PLAA: variants seen among roughly 807,000 people sequenced by gnomAD.
The protein encoded by PLAA is phospholipase A2 activating protein, also known as phospholipase A-2-activating protein.
In PLAA, 48 loss-of-function variants were observed where a neutral mutation model predicts 84.1. The observed-to-expected ratio is 0.57, with a 90% CI of 0.45 to 0.73. The LOEUF is 0.73. PLAA is among the 30% of genes least tolerant of loss of function. PLAA has a pLI of 0.00. For synonymous variants in PLAA, 392 were observed against 336.6 expected (o/e 1.16, Z -1.80); for missense variants, 903 against 954.7 (o/e 0.95, Z 0.71).
chr9:26,909,939 A>T (rs1049761840), intron 12 of PLAA, among the ~76,000 whole-genome samples: 1 of 152,194 alleles, frequency 6.6e-6, no homozygotes, highest in African/African-American at 2.4e-5. Context: ...ATTCATTTCT[A>T]ATGGGCAATT....
chr9:26,919,962 A>G (rs1345921545), intron 8 of PLAA, among the ~76,000 whole-genome samples: 1 of 152,176 alleles, frequency 6.6e-6, no homozygotes, highest in Non-Finnish European at 1.5e-5. Flanking sequence ...GAAGCTCCCA[A>G]TCCAAAATGG....
intron 2 of PLAA, among the ~76,000 whole-genome samples, chr9:26,930,618 T>C (rs920732166): frequency 6.6e-6 from 1 of 151,468 alleles, no homozygotes; most frequent in African/African-American, 2.4e-5. Context: ...GTTTTGCTCT[T>C]GTTGCCCAGG....
intron 2 of PLAA, among the ~76,000 whole-genome samples, chr9:26,930,577 T>C (rs940731664): frequency 2.1e-5 from 3 of 144,340 alleles, no homozygotes; most frequent in African/African-American, 5.4e-5. Context: ...GTTACATCAC[T>C]GAGATTTTTT....
chr9:26,920,398 T>C lies in PLAA; in HGVS notation c.1040-14A>G. ...CTTCTCTAGTACCTTAAAATAAAAA[T>C]TTTAAGAATCAAAGGTAGAATGGCA... On this transcript the variant is annotated splice_polypyrimidine_tract_variant and intron_variant, in intron 7 of 13. Coordinates refer to ENST00000397292, the MANE Select transcript of PLAA (RefSeq NM_001031689.3). The C allele has an allele frequency of 6.4e-7, 1 of 1,558,106 alleles. No homozygotes were observed. The highest frequency in any genetic ancestry group is 1.7e-4 in the Middle Eastern group (1 of 5,852).
At chr9:26,926,320 C>T in intron 5 of PLAA, 73 bp downstream of exon 5, 1 of 936,628 alleles carries the variant, frequency 1.1e-6, no homozygotes. Context: ...CAGCTCTCCT[C>T]CCTCCATCTC....
chr9:26,911,822 T>C (rs1310719441), intron 11 of PLAA, among the ~76,000 whole-genome samples: 1 of 152,214 alleles, frequency 6.6e-6, no homozygotes, highest in Non-Finnish European at 1.5e-5. Flanking sequence ...TGCAAAAATA[T>C]GAATAAAAGA....
intron 2 of PLAA, among the ~76,000 whole-genome samples, chr9:26,932,211 T>TAGTTGACAAGAAATTA (rs143832911): frequency 1.3e-5 from 2 of 152,106 alleles, no homozygotes; most frequent in African/African-American, 2.4e-5. Context: ...ATTCACTGGA[T>TAGTTGACAAGAAATTA]GTTTTTGTTT....
Position 26,908,622 on chromosome 9 carries a change from C to G in PLAA, c.1658-624G>C, listed in dbSNP as rs1310528933. On this transcript the variant is annotated intron_variant, in intron 12 of 13. Coordinates refer to ENST00000397292, the MANE Select transcript of PLAA (RefSeq NM_001031689.3). ...CTGGAACTACCAGCATGCACCACCACACCAGCTAATTTTTGTATTTTTAGT... is the reference window on the plus strand; with the variant it reads ...CTGGAACTACCAGCATGCACCACCAGACCAGCTAATTTTTGTATTTTTAGT... Among the ~76,000 whole-genome samples, 5 of 151,990 alleles carry G rather than the reference C, an allele frequency of 3.3e-5. No individual in the cohort carries two copies. In the East Asian group the frequency reaches 9.7e-4, roughly 29 times the overall value.
intron 2 of PLAA, among the ~76,000 whole-genome samples, chr9:26,929,956 G>C (rs1295853532): frequency 1.3e-5 from 2 of 152,100 alleles, no homozygotes; most frequent in African/African-American, 4.8e-5. Context: ...CATGATACTT[G>C]CATTAGTCAC....
chr9:26,920,564 G>A (rs1323119171), intron 7 of PLAA, among the ~76,000 whole-genome samples, 180 bp from the exon 8 acceptor site: 1 of 152,058 alleles, frequency 6.6e-6, no homozygotes, highest in Admixed American at 6.6e-5. Context: ...CAGTTAAAAG[G>A]AAATATTATT....
chr9:26,919,312 G>A lies in PLAA; in HGVS notation c.1415C>T (p.Thr472Ile), dbSNP rs781078379. 1.2e-6 allele frequency: 2 copies of A among 1,601,162 alleles called. No individual in the cohort carries two copies. The highest frequency in any genetic ancestry group is 2.2e-5 in the South Asian group (2 of 90,620). ...ACTCAATATAAACACTAACTTACCT[G>A]TAAATGGATCTGAAAAGCTGGGATT... ...LGNPSFSDPFTGGGRYVPGSS... is the reference protein window; with the variant it reads ...LGNPSFSDPFIGGGRYVPGSS... Residue 472 changes from threonine to isoleucine, a missense_variant and splice_region_variant, in exon 9 of 14, where the codon ACA becomes ATA. Transcript: ENST00000397292.
intron 12 of PLAA, among the ~76,000 whole-genome samples, 169 bp from the exon 13 acceptor site, chr9:26,908,167 CTTT>C (rs375603485): frequency 8.9e-5 from 12 of 135,002 alleles, no homozygotes; most frequent in South Asian, 2.4e-4. Context: ...TGAGCTTTGT[CTTT>C]TTTTTTTTTT....
At chr9:26,909,080 G>GAA (rs1328033357) in intron 12 of PLAA, among the ~76,000 whole-genome samples, 1 of 151,850 alleles carries the variant, frequency 6.6e-6, no homozygotes, top group African/African-American at 2.4e-5. Flanking sequence ...TGTATCTTTA[G>GAA]TATCAGTATC....
intron 1 of PLAA, among the ~76,000 whole-genome samples, chr9:26,942,052 A>G (rs1020667354): frequency 1.3e-5 from 2 of 152,252 alleles, no homozygotes; most frequent in Non-Finnish European, 2.9e-5. Flanking sequence ...ATTCCATCAC[A>G]ATTCTGAAAG....
At chr9:26,916,715 C>G (rs1824574653) in intron 10 of PLAA, 1 of 992,136 alleles carries the variant, frequency 1.0e-6, no homozygotes, top group Non-Finnish European at 1.2e-6. Flanking sequence ...TCTAATTTCA[C>G]AGATAAAAAA....
chr9:26,926,104 C>A, intron 5 of PLAA, 144 bp from the exon 6 acceptor site: 2 of 675,454 alleles, frequency 3.0e-6, no homozygotes, highest in Admixed American at 3.0e-5. Flanking sequence ...TCACTTACAA[C>A]ATATACAACT....
intron 1 of PLAA, among the ~76,000 whole-genome samples, chr9:26,939,122 C>T (rs1453238863): frequency 2.0e-5 from 3 of 152,200 alleles, no homozygotes; most frequent in African/African-American, 7.2e-5. Context: ...GGCGCCGTGG[C>T]TCACGCCTGT....
Position 26,920,219 on chromosome 9 carries a change from C to A in PLAA, c.1197+8G>T, listed in dbSNP as rs548381785. ...ACAATAGTAATTAGAAAGTAGAAGT[C>A]GACATACTTTCCCTTCATATAAAAC... On this transcript the variant is annotated splice_region_variant and intron_variant, in intron 8 of 13. Transcript: ENST00000397292. 2 of 1,609,010 alleles carry A rather than the reference C, an allele frequency of 1.2e-6. No individual in the cohort carries two copies. The highest frequency in any genetic ancestry group is 2.7e-5 in the African/African-American group (2 of 74,802).
chr9:26,946,323 T>C, intron 1 of PLAA, among the ~76,000 whole-genome samples: 1 of 151,984 alleles, frequency 6.6e-6, no homozygotes. Context: ...AGGCAATGGA[T>C]GCTGCTTCTC....
Sources: allele counts gnomAD v4.1 joint callset (sites outside exome capture counted in the v4.1 genomes callset), GRCh38; gene constraint gnomAD v4.1.1; transcripts MANE v1.5; gene names NCBI Gene and HGNC (gene_info 2026-07-23, HGNC 2026-07-21).